The following MAP1B variants were observed in gnomAD, a reference collection of about 807,000 sequenced individuals.
MAP1B encodes the protein microtubule associated protein 1B.
Under a neutral mutation model 176.1 loss-of-function variants are expected in MAP1B, and 12 were observed. The observed-to-expected ratio is 0.07, with a 90% CI of 0.04 to 0.11. The LOEUF is 0.11. Ranked by LOEUF, MAP1B falls within the 10% of genes least tolerant of loss-of-function variation. The pLI is 1.00. For missense variants in MAP1B, 2,523 were observed against 2,990.5 expected (o/e 0.84, Z 3.65); for synonymous variants, 1,044 against 1,135.0 (o/e 0.92, Z 1.61).
chr5:72,167,032 TC>T (rs1335371362), intron 2 of MAP1B, among the ~76,000 whole-genome samples: 1 of 134,266 alleles, frequency 7.4e-6, no homozygotes, highest in Non-Finnish European at 1.6e-5. Context: ...TTTTTTTTTT[TC>T]CACGGGAAAT....
chr5:72,197,384 G>C lies in MAP1B; in HGVS notation c.4029G>C (p.Glu1343Asp). 6.2e-7 allele frequency: 1 copy of C among 1,614,192 alleles called. No homozygotes were observed. The highest frequency in any genetic ancestry group is 8.5e-7 in the Non-Finnish European group (1 of 1,180,042). The change falls in exon 5 of 7, where the codon GAG becomes GAC. Residue 1343 changes from glutamate to aspartate, a missense_variant. By Grantham distance (45) the Glu-to-Asp change is conservative. Transcript: ENST00000296755. ...HTPYYQSPTD[E>D]KSSHLPTEVI... is the part of the protein sequence containing the mutation. ...CTTACTATCAATCTCCTACTGACGA[G>C]AAATCCAGTCATCTCCCTACAGAAG...
chr5:72,173,049 C>T (rs879722871), intron 2 of MAP1B, among the ~76,000 whole-genome samples: 36 of 152,306 alleles, frequency 2.4e-4, no homozygotes, highest in African/African-American at 4.3e-4. Context: ...TAATGCAGAC[C>T]GTTGGGCTGT....
intron 2 of MAP1B, chr5:72,180,010 A>G (rs1746732883): frequency 5.0e-6 from 4 of 805,976 alleles, no homozygotes; most frequent in Non-Finnish European, 6.0e-6. Flanking sequence ...GCCAGGGGCC[A>G]CCTCGGCAGC....
chr5:72,196,743 C>T lies in MAP1B; in HGVS notation c.3388C>T (p.Pro1130Ser). ...GTCTACTATTGAGATATCCAGTGAG[C>T]CCACCCCCATGGATGAGATGTCTAC... ...TQSTIEISSE[P>S]TPMDEMSTPR... Residue 1130 changes from proline to serine, a missense_variant, in exon 5 of 7, where the codon CCC becomes TCC. Coordinates refer to ENST00000296755, the MANE Select transcript of MAP1B (RefSeq NM_005909.5). The surrounding 1 kb of genome is among the most constrained non-coding windows in gnomAD (Gnocchi z 5.3). 1 of 1,614,062 alleles carries T rather than the reference C, an allele frequency of 6.2e-7. No homozygotes were observed. Among genetic ancestry groups the T allele is most frequent in the Middle Eastern group, 1.6e-4 (1 of 6,062 alleles).
intron 2 of MAP1B, among the ~76,000 whole-genome samples, chr5:72,161,374 T>G (rs1465533774): frequency 6.6e-6 from 1 of 152,200 alleles, no homozygotes; most frequent in Non-Finnish European, 1.5e-5. Context: ...AGTCAATACA[T>G]GGTGGCTATT....
intron 2 of MAP1B, among the ~76,000 whole-genome samples, chr5:72,127,545 G>A (rs554392013): frequency 5.3e-4 from 81 of 151,966 alleles, no homozygotes; most frequent in Admixed American, 7.2e-4. Context: ...ACCATGGCAC[G>A]TGTATACCTA....
intron 2 of MAP1B, among the ~76,000 whole-genome samples, chr5:72,151,928 T>G (rs1746147548): frequency 6.6e-6 from 1 of 152,252 alleles, no homozygotes; most frequent in South Asian, 2.1e-4. Context: ...GTTGCAGAGA[T>G]AGTACAGAGA....
At position 72,199,417 on chromosome 5, in the gene MAP1B, A is replaced by C; in HGVS notation, c.6062A>C (p.Glu2021Ala). The part of the protein sequence containing the change: ...TEKITSFPES[E>A]GYSYETSTKT... ...AAAATTACCAGTTTCCCTGAGTCTG[A>C]AGGTTATTCCTATGAGACATCTACA... The change falls in exon 5 of 7, where the codon GAA becomes GCA. Residue 2021 changes from glutamate to alanine, a missense_variant. Glu to Ala is a moderately radical substitution (Grantham distance 107). Transcript: ENST00000296755. This position sits in a 1 kb window ranked among gnomAD's most constrained non-coding sequence, Gnocchi z 4.2. 6.2e-7 allele frequency: 1 copy of C among 1,614,086 alleles called. No individual in the cohort carries two copies. Among genetic ancestry groups the C allele is most frequent in the Non-Finnish European group, 8.5e-7 (1 of 1,180,020 alleles).
At chr5:72,127,805 T>G (rs1031340630) in intron 2 of MAP1B, among the ~76,000 whole-genome samples, 1 of 152,204 alleles carries the variant, frequency 6.6e-6, no homozygotes, top group Non-Finnish European at 1.5e-5. Context: ...GGGATTATTA[T>G]TTTTCAAAGT....
chr5:72,142,663 G>A (rs1382056007), intron 2 of MAP1B, among the ~76,000 whole-genome samples: 1 of 151,494 alleles, frequency 6.6e-6, no homozygotes, highest in Non-Finnish European at 1.5e-5. Flanking sequence ...AGAAAAAAGG[G>A]ATTTTTTTTC....
rs530569579 is a variant in MAP1B at position 72,112,031 on chromosome 5, C to T, written c.185-3667C>T. On this transcript the variant is annotated intron_variant, in intron 1 of 6. Coordinates refer to ENST00000296755, the MANE Select transcript of MAP1B (RefSeq NM_005909.5). ...TTTTTCCTCTGAGAAATAAAGCATTCCTAAATGTAGCATTTCCTTTAGTTC... is the reference window on the plus strand; with the variant it reads ...TTTTTCCTCTGAGAAATAAAGCATTTCTAAATGTAGCATTTCCTTTAGTTC... Among the ~76,000 whole-genome samples, 18 of 152,216 alleles carry T rather than the reference C, an allele frequency of 1.2e-4. No homozygotes were observed. In the East Asian group the frequency reaches 3.5e-3, roughly 29 times the overall value.
chr5:72,113,389 G>A lies in MAP1B; in HGVS notation c.185-2309G>A, dbSNP rs996456395. On this transcript the variant is annotated intron_variant, in intron 1 of 6. Coordinates refer to ENST00000296755, the MANE Select transcript of MAP1B (RefSeq NM_005909.5). ...AAAATGAGAAATATTTTTATCAGCC[G>A]TTTACTAGTATAATTTAGAAATTAC... 5.9e-4 allele frequency among the ~76,000 whole-genome samples: 90 copies of A among 152,050 alleles called. 1 individual carries two copies. The highest frequency in any genetic ancestry group is 4.7e-3 in the Admixed American group (72 of 15,256).
chr5:72,159,157 TAGAAG>T (rs1230929395), intron 2 of MAP1B, among the ~76,000 whole-genome samples: 1 of 152,010 alleles, frequency 6.6e-6, no homozygotes, highest in African/African-American at 2.4e-5. Flanking sequence ...TCAGAGCCTC[TAGAAG>T]AGAAGGAACC....
chr5:72,119,762 G>C (rs1745493927), intron 2 of MAP1B, among the ~76,000 whole-genome samples: 1 of 152,118 alleles, frequency 6.6e-6, no homozygotes, highest in South Asian at 2.1e-4. Context: ...GTCTGCCTTG[G>C]CCTCAAAGTT....
chr5:72,110,903 C>G (rs1745321703), intron 1 of MAP1B, among the ~76,000 whole-genome samples: 1 of 152,204 alleles, frequency 6.6e-6, no homozygotes. Flanking sequence ...GTAAATGCCT[C>G]TTGAAACCAG....
At chr5:72,122,582 C>G (rs949845795) in intron 2 of MAP1B, among the ~76,000 whole-genome samples, 8 of 151,776 alleles carry the variant, frequency 5.3e-5, no homozygotes, top group Non-Finnish European at 8.8e-5. Context: ...CTTCCTCATT[C>G]CTCAGGGTAG....
Position 72,194,109 on chromosome 5 carries a change from G to C in MAP1B, c.754G>C (p.Gly252Arg). The C allele has an allele frequency of 6.2e-7, 1 of 1,614,180 alleles. No individual in the cohort carries two copies. The highest frequency in any genetic ancestry group is 8.5e-7 in the Non-Finnish European group (1 of 1,180,044). ...PFDILEPPTS[G>R]GFLKLSKPCC... Reference sequence around the variant, plus strand: ...TGACATCTTGGAACCTCCCACATCGGGTGGATTTCTGAAGCTCTCCAAGCC... The same window carrying C: ...TGACATCTTGGAACCTCCCACATCGCGTGGATTTCTGAAGCTCTCCAAGCC... The change falls in exon 5 of 7, where the codon GGT becomes CGT. Residue 252 changes from glycine (G) to arginine (R), a missense_variant. Transcript: ENST00000296755. This position sits in a 1 kb window ranked among gnomAD's most constrained non-coding sequence, Gnocchi z 7.2.
intron 2 of MAP1B, among the ~76,000 whole-genome samples, chr5:72,140,336 A>G (rs1745923983): frequency 6.6e-6 from 1 of 152,238 alleles, no homozygotes; most frequent in Admixed American, 6.5e-5. Flanking sequence ...AATTGAAACA[A>G]AAGTTTAACA....
chr5:72,108,859 C>G (rs1235689069), intron 1 of MAP1B, among the ~76,000 whole-genome samples: 2 of 152,190 alleles, frequency 1.3e-5, no homozygotes, highest in Non-Finnish European at 2.9e-5. Flanking sequence ...CCTGGCGTCC[C>G]GGCCCTCCCC....
Sources: allele counts gnomAD v4.1 joint callset (sites outside exome capture counted in the v4.1 genomes callset), GRCh38; gene constraint gnomAD v4.1.1; non-coding constraint Gnocchi (gnomAD v3.1); transcripts MANE v1.5; gene names NCBI Gene and HGNC (gene_info 2026-07-23, HGNC 2026-07-21).